Variants in ZNF385D observed in about 807,000 individuals in gnomAD.
The protein encoded by ZNF385D is zinc finger protein 385D.
ZNF385D carries 15 observed loss-of-function variants against 35.8 expected under a neutral mutation model. The ratio of observed to expected loss-of-function variants is 0.42; its 90% CI spans 0.28 to 0.64. The LOEUF (loss-of-function observed/expected upper bound fraction) is 0.64. Among genes scored for constraint, ZNF385D ranks in the 30% least tolerant of loss-of-function variants. The pLI, the probability that ZNF385D is intolerant of heterozygous loss-of-function variation, is 0.23. For missense variants in ZNF385D, 474 were observed against 494.6 expected (o/e 0.96, Z 0.39); for synonymous variants, 212 against 186.8 (o/e 1.13, Z -1.10).
chr3:22,191,099 G>A (rs1398914992), intron 2 of ZNF385D, among the ~76,000 whole-genome samples: 2 of 151,820 alleles, frequency 1.3e-5, no homozygotes, highest in Non-Finnish European at 2.9e-5. Context: ...ATAAACATAG[G>A]AAGTCCACAG....
At chr3:22,102,006 G>A (rs561664357) in intron 3 of ZNF385D, among the ~76,000 whole-genome samples, 1 of 151,222 alleles carries the variant, frequency 6.6e-6, no homozygotes, top group South Asian at 2.1e-4. Flanking sequence ...CGCCACATCA[G>A]GTTTTTTTCA....
intron 1 of ZNF385D, among the ~76,000 whole-genome samples, chr3:21,704,250 G>A (rs1395259586): frequency 2.6e-5 from 4 of 152,080 alleles, no homozygotes; most frequent in South Asian, 2.1e-4. Flanking sequence ...AGCCACCAAC[G>A]TTCCTCTTTG....
rs1239864146 is a variant in ZNF385D at position 21,960,017 on chromosome 3, G to C, written c.325+208800C>G. ...TGATGGCTAAGACTTCAAAAGCACA[G>C]CCTCCAAAAAAAAAAAAAAAAAGAC... On this transcript the variant is annotated intron_variant, in intron 3 of 5. Coordinates refer to the ZNF385D transcript ENST00000494108. 1.1e-4 allele frequency among the ~76,000 whole-genome samples: 9 copies of C among 84,066 alleles called. No individual in the cohort carries two copies. In the East Asian group the frequency reaches 2.8e-3, roughly 26 times the overall value. The allele number at this position is 84,066 out of a possible 152,430, so 55.2% of individuals were successfully genotyped here.
chr3:22,251,926 G>T (rs1030949591), intron 2 of ZNF385D, among the ~76,000 whole-genome samples: 2 of 152,018 alleles, frequency 1.3e-5, no homozygotes, highest in African/African-American at 2.4e-5. Context: ...CTACCTCACA[G>T]GACTCTGACC....
At chr3:21,585,211 A>C (rs2063775950) in intron 2 of ZNF385D, among the ~76,000 whole-genome samples, 1 of 152,214 alleles carries the variant, frequency 6.6e-6, no homozygotes, top group South Asian at 2.1e-4. Context: ...ATATTTGACC[A>C]TAAAAAACTA....
chr3:22,113,902 T>C (rs188427933), intron 3 of ZNF385D, among the ~76,000 whole-genome samples: 14 of 152,198 alleles, frequency 9.2e-5, no homozygotes, highest in African/African-American at 2.2e-4. Context: ...TAAATCTAGA[T>C]AGAAAGGTCT....
intron 4 of ZNF385D, among the ~76,000 whole-genome samples, chr3:21,495,072 C>A (rs74992096): frequency 0.028 from 4,280 of 152,116 alleles, 89 homozygotes; most frequent in Middle Eastern, 0.054. Flanking sequence ...TCCTGTTCTG[C>A]ATTAGTTTTC....
chr3:22,155,129 C>T (rs1476923909), intron 3 of ZNF385D, among the ~76,000 whole-genome samples: 9 of 152,020 alleles, frequency 5.9e-5, no homozygotes, highest in Admixed American at 5.9e-4. Flanking sequence ...TTGATCATTA[C>T]ACATTGTATG....
intron 2 of ZNF385D, among the ~76,000 whole-genome samples, chr3:21,614,811 G>A (rs1270054410): frequency 2.0e-5 from 3 of 152,102 alleles, no homozygotes; most frequent in Non-Finnish European, 4.4e-5. Context: ...ATGGTCTCAA[G>A]CTCTTGACCT....
At chr3:22,291,068 C>A (rs1702278221) in intron 2 of ZNF385D, among the ~76,000 whole-genome samples, 1 of 152,100 alleles carries the variant, frequency 6.6e-6, no homozygotes, top group Non-Finnish European at 1.5e-5. Context: ...AAGGCTCCAT[C>A]TAAAATACCA....
chr3:21,814,805 A>C (rs1322481872), intron 3 of ZNF385D, among the ~76,000 whole-genome samples: 1 of 152,178 alleles, frequency 6.6e-6, no homozygotes, highest in Non-Finnish European at 1.5e-5. Flanking sequence ...ATATCCAGGA[A>C]TTGAACTCAG....
chr3:21,673,087 T>C (rs1346225759), intron 1 of ZNF385D, among the ~76,000 whole-genome samples: 1 of 152,142 alleles, frequency 6.6e-6, no homozygotes, highest in African/African-American at 2.4e-5. Context: ...GCTAGTGATA[T>C]AGAATATAAA....
chr3:22,301,295 G>C (rs1702887856), intron 2 of ZNF385D, among the ~76,000 whole-genome samples: 1 of 152,110 alleles, frequency 6.6e-6, no homozygotes, highest in Middle Eastern at 3.4e-3. Context: ...TGGAGCCAAA[G>C]GTTTGGGAGA....
chr3:22,082,532 T>G (rs1486673892), intron 3 of ZNF385D, among the ~76,000 whole-genome samples: 1 of 151,882 alleles, frequency 6.6e-6, no homozygotes, highest in Admixed American at 6.6e-5. Flanking sequence ...CTTGAGTAGG[T>G]AAACAAAGTG....
At chr3:21,980,265 A>G (rs928645124) in intron 3 of ZNF385D, among the ~76,000 whole-genome samples, 2 of 152,166 alleles carry the variant, frequency 1.3e-5, no homozygotes, top group Non-Finnish European at 2.9e-5. Flanking sequence ...GCACTGTCCA[A>G]TAACTTAACG....
intron 3 of ZNF385D, among the ~76,000 whole-genome samples, chr3:21,997,412 C>G (rs1270566051): frequency 6.6e-6 from 1 of 151,892 alleles, no homozygotes; most frequent in Admixed American, 6.6e-5. Flanking sequence ...GACGAGTTAA[C>G]GGGTGCAGCA....
chr3:21,473,636 T>G (rs1704043542), intron 4 of ZNF385D, among the ~76,000 whole-genome samples: 1 of 152,100 alleles, frequency 6.6e-6, no homozygotes, highest in Non-Finnish European at 1.5e-5. Context: ...AAAGATGGAT[T>G]CTAAACCCTG....
intron 3 of ZNF385D, among the ~76,000 whole-genome samples, chr3:21,793,182 A>G (rs909096641): frequency 2.6e-5 from 4 of 152,204 alleles, no homozygotes; most frequent in African/African-American, 9.7e-5. Flanking sequence ...TGAAAGAATA[A>G]AGTTATGCAT....
At chr3:21,706,821 T>TAGAC (rs959857329) in intron 1 of ZNF385D, among the ~76,000 whole-genome samples, 1 of 40,624 alleles carries the variant, frequency 2.5e-5, no homozygotes, top group African/African-American at 6.7e-5. Flanking sequence ...AGATGATAGA[T>TAGAC]AGATAGATAG....
Sources: gnomAD v4.1 joint callset for allele counts (sites outside exome capture counted in the v4.1 genomes callset) on GRCh38, gnomAD v4.1.1 for gene constraint, MANE v1.5 for transcripts, NCBI Gene and HGNC (gene_info 2026-07-23, HGNC 2026-07-21) for gene names.